USP47: variants seen among roughly 807,000 people sequenced by gnomAD.
USP47 encodes the protein ubiquitin carboxyl-terminal hydrolase 47.
USP47 carries 35 observed loss-of-function variants against 165.1 expected under a neutral mutation model. The ratio of observed to expected loss-of-function variants is 0.21; its 90% CI spans 0.16 to 0.28. The LOEUF is 0.28. USP47 is among the 10% of genes least tolerant of loss of function. The pLI is 1.00. For synonymous variants in USP47, 531 were observed against 544.5 expected (o/e 0.98, Z 0.35); for missense variants, 1,277 against 1,607.4 (o/e 0.79, Z 3.52).
At chr11:11,865,553 A>G (rs1849624333) in intron 1 of USP47, among the ~76,000 whole-genome samples, 1 of 151,904 alleles carries the variant, frequency 6.6e-6, no homozygotes, top group Non-Finnish European at 1.5e-5. Context: ...TTATGGTAAT[A>G]CTATGTTTAG....
intron 2 of USP47, among the ~76,000 whole-genome samples, chr11:11,882,900 G>A (rs184621946): frequency 6.6e-6 from 1 of 152,260 alleles, no homozygotes; most frequent in Non-Finnish European, 1.5e-5. Flanking sequence ...TTAAATAGCT[G>A]TATGTCAGGA....
At chr11:11,938,025 A>G (rs930077259) in intron 17 of USP47, among the ~76,000 whole-genome samples, 3 of 151,976 alleles carry the variant, frequency 2.0e-5, no homozygotes, top group Non-Finnish European at 4.4e-5. Flanking sequence ...GTCTTTGATG[A>G]TGAACAAGGT....
rs925249949 is a variant in USP47 at position 11,958,671 on chromosome 11, A to G, written c.*2496A>G. On this transcript the variant is annotated 3_prime_UTR_variant, in exon 28 of 28. Transcript: ENST00000527733. ...GCAGATGAACTTGTGTCAACCATGC[A>G]CACCCTGTGAGAACCAAGTACCTGT... 3 of 152,222 alleles carry G rather than the reference A, an allele frequency of 2.0e-5. No individual in the cohort carries two copies. Among genetic ancestry groups the G allele is most frequent in the African/African-American group, 7.2e-5 (3 of 41,452 alleles). 9.4% of individuals were successfully genotyped at this position (152,222 alleles called of 1,614,324 possible).
At chr11:11,869,258 A>G (rs532248732) in intron 1 of USP47, among the ~76,000 whole-genome samples, 2 of 151,882 alleles carry the variant, frequency 1.3e-5, no homozygotes, top group Admixed American at 1.3e-4. Flanking sequence ...TTTTCCATTT[A>G]TGTTTATGAT....
In USP47 at chr11:11,943,128, G is replaced by A. The variant is rs148520331; in HGVS notation, c.3091+16G>A. On this transcript the variant is annotated intron_variant, in intron 20 of 27. Transcript: ENST00000527733. ...GGACATAAATGTATGTACTTCAAAA[G>A]AAAAACGGTCCTTGAAACAGCATCA... 6.3e-7 allele frequency: 1 copy of A among 1,575,330 alleles called. No individual in the cohort carries two copies. Among genetic ancestry groups the A allele is most frequent in the Admixed American group, 1.9e-5 (1 of 51,310 alleles).
chr11:11,898,269 CAT>C (rs1225279690), intron 5 of USP47, among the ~76,000 whole-genome samples: 1 of 152,052 alleles, frequency 6.6e-6, no homozygotes, highest in East Asian at 1.9e-4. Flanking sequence ...TATTATGACA[CAT>C]TTAACACACC....
chr11:11,858,580 C>A (rs922204003), intron 1 of USP47, among the ~76,000 whole-genome samples: 4 of 152,172 alleles, frequency 2.6e-5, no homozygotes, highest in African/African-American at 9.7e-5. Flanking sequence ...GTTCTCTTCC[C>A]CTTCCTCCAG....
At position 11,956,272 on chromosome 11, in the gene USP47, TAACC is replaced by T; in HGVS notation, c.*98_*101del. 7.2e-7 allele frequency: 1 copy of T among 1,386,224 alleles called. No individual in the cohort carries two copies. Among genetic ancestry groups the T allele is most frequent in the Non-Finnish European group, 1.0e-6 (1 of 997,440 alleles). 85.9% of individuals were successfully genotyped at this position (1,386,224 alleles called of 1,614,324 possible). On this transcript the variant is annotated 3_prime_UTR_variant, in exon 28 of 28. Transcript: ENST00000527733. Reference sequence around the variant, plus strand: ...CCATTTTGGCCGGACATGGTTGGGGTAACCCAGTGACACCAGCACTGATTGGACT... The same window carrying T: ...CCATTTTGGCCGGACATGGTTGGGGTCAGTGACACCAGCACTGATTGGACT...
intron 8 of USP47, among the ~76,000 whole-genome samples, chr11:11,907,254 T>C (rs1335581952): frequency 6.6e-6 from 1 of 152,190 alleles, no homozygotes; most frequent in East Asian, 1.9e-4. Context: ...CCACTGATGA[T>C]ACATGGGTGG....
Position 11,938,284 on chromosome 11 carries a change from A to T in USP47, c.2105A>T (p.Asp702Val), listed in dbSNP as rs1855218969. ...GEVMVKVHVV[D>V]LKAESVAAPI... Reference sequence around the variant, plus strand: ...GTGATGGTGAAAGTTCATGTTGTTGATCTAAAGGCAGAATCTGTAGCTGCT... The same window carrying T: ...GTGATGGTGAAAGTTCATGTTGTTGTTCTAAAGGCAGAATCTGTAGCTGCT... The change falls in exon 18 of 28, where the codon GAT (aspartate) becomes GTT (valine). Residue 702 changes from aspartate (D) to valine (V), a missense_variant. Around this residue, in one of 4 missense-constraint regions of USP47, gnomAD observed 909 missense variants for 1,068.1 expected, o/e 0.85. Transcript: ENST00000527733. The T allele has an allele frequency of 1.9e-6, 3 of 1,612,030 alleles. No individual in the cohort carries two copies. The highest frequency in any genetic ancestry group is 1.3e-5 in the African/African-American group (1 of 74,804).
chr11:11,903,092 C>T (rs1485556208), intron 6 of USP47, among the ~76,000 whole-genome samples, 171 bp from the exon 7 acceptor site: 6 of 152,104 alleles, frequency 3.9e-5, no homozygotes. Flanking sequence ...AATCTATTTT[C>T]TGGCGTGTGA....
At chr11:11,945,430 C>G (rs573137431) in intron 20 of USP47, among the ~76,000 whole-genome samples, 1 of 152,276 alleles carries the variant, frequency 6.6e-6, no homozygotes, top group East Asian at 1.9e-4. Flanking sequence ...AGGCAATAAT[C>G]TGTACTTAAA....
chr11:11,924,808 A>G lies in USP47; in HGVS notation c.1386+1917A>G, dbSNP rs576670254. On this transcript the variant is annotated intron_variant, in intron 11 of 27. Coordinates refer to ENST00000527733, the MANE Select transcript of USP47 (RefSeq NM_001282659.2). ...TTAATGTCCTTTTAATGCAGGGATG[A>G]ACCTTCTTTCATTTCGGATACTGGC... Among the ~76,000 whole-genome samples, 7 of 152,008 alleles carry G rather than the reference A, an allele frequency of 4.6e-5. No individual in the cohort carries two copies. The South Asian group carries it at 1.5e-3, about 32-fold the overall frequency.
chr11:11,952,954 T>C (rs1259854194), intron 25 of USP47, 83 bp downstream of exon 25: 1 of 1,040,864 alleles, frequency 9.6e-7, no homozygotes, highest in Non-Finnish European at 1.2e-6. Context: ...ATATAAACAA[T>C]ACATTCTTCC....
At chr11:11,859,067 G>A (rs1849227036) in intron 1 of USP47, among the ~76,000 whole-genome samples, 1 of 152,102 alleles carries the variant, frequency 6.6e-6, no homozygotes. Flanking sequence ...ATTTTATTAA[G>A]TGTGTAGTGG....
intron 11 of USP47, among the ~76,000 whole-genome samples, chr11:11,925,268 C>T (rs1054553508): frequency 5.3e-5 from 8 of 151,950 alleles, no homozygotes; most frequent in Admixed American, 2.0e-4. Context: ...CCACCACGCC[C>T]AGCTAATTTT....
chr11:11,868,141 C>T (rs894498497), intron 1 of USP47, among the ~76,000 whole-genome samples: 3 of 151,894 alleles, frequency 2.0e-5, no homozygotes, highest in East Asian at 1.9e-4. Context: ...CTCATGTACT[C>T]TTCACCCAGT....
Position 11,842,157 on chromosome 11 carries a change from A to C in USP47, c.-29A>C, listed in dbSNP as rs749987996. The C allele has an allele frequency of 6.4e-7, 1 of 1,551,450 alleles. No homozygotes were observed. The highest frequency in any genetic ancestry group is 8.7e-7 in the Non-Finnish European group (1 of 1,146,704). The stretch of plus-strand genomic sequence containing the variant: ...CCGCCACCCTCCACCCTCCCCCGGC[A>C]GGGCGGAGAGGAGCGGCCGGAGTCA... On this transcript the variant is annotated 5_prime_UTR_variant, in exon 1 of 28. Transcript: ENST00000527733.
At chr11:11,929,332 C>T in intron 11 of USP47, 102 bp from the exon 12 acceptor site, 1 of 1,477,638 alleles carries the variant, frequency 6.8e-7, no homozygotes, top group Non-Finnish European at 9.0e-7. Flanking sequence ...TATAGGACAA[C>T]TTACCATGTT....
Sources: gnomAD v4.1 joint callset for allele counts (sites outside exome capture counted in the v4.1 genomes callset) on GRCh38, gnomAD v4.1.1 for gene constraint, gnomAD v4.1.1 regional missense constraint, MANE v1.5 for transcripts, NCBI Gene and HGNC (gene_info 2026-07-23, HGNC 2026-07-21) for gene names.